DOCK10: variants seen among roughly 807,000 people sequenced by gnomAD.
The protein encoded by DOCK10 is dedicator of cytokinesis 10.
DOCK10 carries 145 observed loss-of-function variants against 280.1 expected under a neutral mutation model. The observed-to-expected ratio is 0.52, with a 90% CI of 0.45 to 0.59. The LOEUF (loss-of-function observed/expected upper bound fraction) is 0.59, where lower values mean the gene tolerates loss of function less well. Ranked by LOEUF, DOCK10 falls within the 20% of genes least tolerant of loss-of-function variation. The pLI, the probability that DOCK10 is intolerant of heterozygous loss-of-function variation, is 0.00. For missense variants in DOCK10, 2,368 were observed against 2,651.7 expected (o/e 0.89, Z 2.35); for synonymous variants, 915 against 942.2 (o/e 0.97, Z 0.53).
At chr2:224,846,949 A>G (rs1190136230) in intron 19 of DOCK10, among the ~76,000 whole-genome samples, 1 of 152,168 alleles carries the variant, frequency 6.6e-6, no homozygotes, top group African/African-American at 2.4e-5. Flanking sequence ...TCATATGCAC[A>G]TTGTTGAGTA....
intron 51 of DOCK10, 127 bp from the exon 52 acceptor site, chr2:224,775,242 TC>T: frequency 1.3e-6 from 1 of 796,178 alleles, no homozygotes; most frequent in Non-Finnish European, 2.1e-6. Flanking sequence ...AAATGGGCAG[TC>T]ACATCATTTC....
chr2:224,976,030 A>C (rs1343524763), intron 1 of DOCK10, among the ~76,000 whole-genome samples: 1 of 152,194 alleles, frequency 6.6e-6, no homozygotes, highest in Non-Finnish European at 1.5e-5. Flanking sequence ...TCTGACCAGC[A>C]TACTGTGGAT....
Position 224,854,969 on chromosome 2 carries a change from G to A in DOCK10, c.1882C>T (p.His628Tyr). The change falls in exon 16 of 56, where the codon CAT becomes TAT. Residue 628 changes from histidine to tyrosine, a missense_variant. Physicochemically the swap from His to Tyr is moderately conservative, Grantham distance 83. Coordinates refer to ENST00000258390, the MANE Select transcript of DOCK10 (RefSeq NM_014689.3). Reference protein sequence around the residue: ...DIAVDNVPLEHPNCVTSSFIP... With the variant: ...DIAVDNVPLEYPNCVTSSFIP... The stretch of plus-strand genomic sequence containing the variant: ...CATGACATCATCATCATACTTGGAT[G>A]CTCCAAGGGAACGTTGTCAACAGCA... 6.2e-7 allele frequency: 1 copy of A among 1,605,226 alleles called. No individual in the cohort carries two copies. Among genetic ancestry groups the A allele is most frequent in the Admixed American group, 1.7e-5 (1 of 59,314 alleles).
rs1690448889 is a variant in DOCK10, at chr2:225,042,117, C to CG, written c.123+134dup. On this transcript the variant is annotated intron_variant, in intron 1 of 55. Coordinates refer to ENST00000258390, the MANE Select transcript of DOCK10 (RefSeq NM_014689.3). The surrounding 1 kb of genome is among the most constrained non-coding windows in gnomAD (Gnocchi z 5.1). Reference sequence around the variant, plus strand: ...GCGCCGGGGGAGCCCGCAGAGGCGGCGGGGGAGGGAGTGCGGAGGAGAGGA... The same window carrying CG: ...GCGCCGGGGGAGCCCGCAGAGGCGGCGGGGGGAGGGAGTGCGGAGGAGAGGA... The CG allele has an allele frequency of 1.9e-6, 2 of 1,068,164 alleles. No individual in the cohort carries two copies. Among genetic ancestry groups the CG allele is most frequent in the Non-Finnish European group, 2.4e-6 (2 of 845,872 alleles). 66.2% of individuals were successfully genotyped at this position (1,068,164 alleles called of 1,614,324 possible). A position where few individuals can be genotyped will look rare whatever the true frequency, so the allele number is the denominator to read the frequency against.
intron 25 of DOCK10, among the ~76,000 whole-genome samples, chr2:224,835,403 C>T (rs532958709): frequency 1.3e-5 from 2 of 152,298 alleles, no homozygotes; most frequent in East Asian, 3.9e-4. Flanking sequence ...ATTAGACTGG[C>T]TTTAGACACG....
chr2:224,802,073 A>C, intron 39 of DOCK10, 33 bp from the exon 40 acceptor site: 1 of 1,604,980 alleles, frequency 6.2e-7, no homozygotes, highest in Non-Finnish European at 8.5e-7. Context: ...GGTTAGAGTT[A>C]TTTGGGGATG....
chr2:224,956,173 A>AGTAG (rs1318221775), intron 1 of DOCK10, among the ~76,000 whole-genome samples: 1 of 152,232 alleles, frequency 6.6e-6, no homozygotes. Context: ...CCTGGACAAT[A>AGTAG]GTAGGACTTT....
chr2:224,943,063 A>C (rs1703184564), intron 1 of DOCK10, among the ~76,000 whole-genome samples: 1 of 152,218 alleles, frequency 6.6e-6, no homozygotes, highest in South Asian at 2.1e-4. Context: ...TTTAGTTAAA[A>C]AAAGAATAAA....
At chr2:224,954,364 A>C (rs1703927265) in intron 1 of DOCK10, among the ~76,000 whole-genome samples, 1 of 152,232 alleles carries the variant, frequency 6.6e-6, no homozygotes, top group African/African-American at 2.4e-5. Flanking sequence ...TAAGTATCTT[A>C]GTGTGATATT....
At chr2:224,946,803 T>C (rs958931683) in intron 1 of DOCK10, 44 of 1,425,422 alleles carry the variant, frequency 3.1e-5, no homozygotes, top group Non-Finnish European at 4.0e-5. Flanking sequence ...AAGAAAGGAT[T>C]GAAGGAAAGA....
At chr2:224,986,672 G>C (rs1418074665) in intron 1 of DOCK10, among the ~76,000 whole-genome samples, 1 of 152,124 alleles carries the variant, frequency 6.6e-6, no homozygotes. Flanking sequence ...TGAAGCCACA[G>C]TGAGAAGGTG....
chr2:224,824,078 T>C (rs971309575), intron 27 of DOCK10, among the ~76,000 whole-genome samples: 4 of 152,208 alleles, frequency 2.6e-5, no homozygotes, highest in African/African-American at 9.7e-5. Flanking sequence ...AAAAATAAAT[T>C]ATTTTGATTT....
intron 33 of DOCK10, among the ~76,000 whole-genome samples, 161 bp from the exon 34 acceptor site, chr2:224,806,398 C>T (rs992653172): frequency 6.6e-5 from 10 of 152,132 alleles, no homozygotes; most frequent in East Asian, 1.9e-4. Flanking sequence ...AAAACAAATA[C>T]AGCCAAAACC....
At chr2:225,002,249 T>A (rs1004853038) in intron 1 of DOCK10, among the ~76,000 whole-genome samples, 4 of 152,240 alleles carry the variant, frequency 2.6e-5, no homozygotes, top group Admixed American at 2.0e-4. Flanking sequence ...TGCCCCCTGC[T>A]GTCCATTGTG....
chr2:225,006,569 C>T (rs1412629962), intron 1 of DOCK10, among the ~76,000 whole-genome samples: 1 of 152,206 alleles, frequency 6.6e-6, no homozygotes, highest in African/African-American at 2.4e-5. Flanking sequence ...TGCTGAGGTC[C>T]TGTGATGAAG....
In DOCK10 at chr2:224,853,246, T is replaced by C. The variant is rs1308460787; in HGVS notation, c.1889-124A>G. On this transcript the variant is annotated intron_variant, in intron 16 of 55. Transcript: ENST00000258390. ...CTCCTGGCTTGTACACCAATTGATATTAGCTTACGCTAGCATGAAAAATTT... is the reference window on the plus strand; with the variant it reads ...CTCCTGGCTTGTACACCAATTGATACTAGCTTACGCTAGCATGAAAAATTT... The C allele has an allele frequency of 8.0e-6, 6 of 745,502 alleles. No individual in the cohort carries two copies. In the Admixed American group the frequency reaches 1.7e-4, roughly 21 times the overall value. 46.2% of individuals were successfully genotyped at this position (745,502 alleles called of 1,614,324 possible).
intron 1 of DOCK10, among the ~76,000 whole-genome samples, chr2:225,009,193 G>A (rs1689362801): frequency 6.6e-6 from 1 of 152,300 alleles, no homozygotes; most frequent in African/African-American, 2.4e-5. Context: ...TTAGGTTTAA[G>A]TGGTTAAAAT....
chr2:224,937,263 A>G (rs190541866), intron 1 of DOCK10, among the ~76,000 whole-genome samples: 2 of 152,334 alleles, frequency 1.3e-5, no homozygotes, highest in African/African-American at 4.8e-5. Context: ...AGTCATTTGC[A>G]ACAGCTGATA....
intron 1 of DOCK10, among the ~76,000 whole-genome samples, chr2:224,962,722 A>G (rs1439963545): frequency 1.3e-5 from 2 of 152,234 alleles, no homozygotes; most frequent in African/African-American, 2.4e-5. Flanking sequence ...TATAATCCTT[A>G]ATCCTACATT....
Sources: gnomAD v4.1 joint callset for allele counts (sites outside exome capture counted in the v4.1 genomes callset) on GRCh38, gnomAD v4.1.1 for gene constraint, Gnocchi (gnomAD v3.1) non-coding constraint, MANE v1.5 for transcripts, NCBI Gene and HGNC (gene_info 2026-07-23, HGNC 2026-07-21) for gene names.